Variants in NKAIN3 observed in about 807,000 individuals in gnomAD.
NKAIN3 encodes the protein sodium/potassium transporting ATPase interacting 3.
A neutral mutation model predicts 30.2 loss-of-function variants in NKAIN3; 25 were observed. That is an observed-to-expected ratio of 0.83 (90% confidence interval 0.60 to 1.16). NKAIN3 has a LOEUF of 1.16. Among genes scored for constraint, NKAIN3 ranks in the 50% most tolerant of loss-of-function variants. NKAIN3 has a pLI of 0.00. For missense variants in NKAIN3, 225 were observed against 254.1 expected (o/e 0.89, Z 0.78); for synonymous variants, 91 against 89.6 (o/e 1.02, Z -0.09).
intron 4 of NKAIN3, among the ~76,000 whole-genome samples, chr8:62,876,138 A>G (rs1409756086): frequency 1.3e-5 from 2 of 152,162 alleles, no homozygotes; most frequent in Non-Finnish European, 2.9e-5. Flanking sequence ...CAAGAAACAA[A>G]CAACCCCATC....
intron 2 of NKAIN3, among the ~76,000 whole-genome samples, chr8:62,580,906 T>A (rs57400498): frequency 0.043 from 4,846 of 112,320 alleles, 153 homozygotes; most frequent in African/African-American, 0.087. Flanking sequence ...GCTAGGGTTT[T>A]TATATATATA....
chr8:62,459,689 A>G (rs1805930385), intron 1 of NKAIN3, among the ~76,000 whole-genome samples: 1 of 152,196 alleles, frequency 6.6e-6, no homozygotes, highest in African/African-American at 2.4e-5. Flanking sequence ...TAAGATCAGA[A>G]ATCTAATGGG....
At chr8:62,264,391 A>C (rs529061214) in intron 1 of NKAIN3, among the ~76,000 whole-genome samples, 1 of 152,300 alleles carries the variant, frequency 6.6e-6, no homozygotes, top group South Asian at 2.1e-4. Context: ...GGTATCCATT[A>C]AAACATTAAT....
intron 6 of NKAIN3, among the ~76,000 whole-genome samples, chr8:62,961,748 A>G (rs1209854076): frequency 6.6e-6 from 1 of 152,206 alleles, no homozygotes; most frequent in Non-Finnish European, 1.5e-5. Context: ...ATCAGTACTA[A>G]CAGACTCACA....
chr8:62,331,418 CAA>C, intron 1 of NKAIN3, among the ~76,000 whole-genome samples: 1 of 152,216 alleles, frequency 6.6e-6, no homozygotes, highest in South Asian at 2.1e-4. Flanking sequence ...GTCTCTCCCA[CAA>C]GTTTCCAAAC....
intron 3 of NKAIN3, among the ~76,000 whole-genome samples, chr8:62,655,576 C>T (rs1408122895): frequency 6.6e-6 from 1 of 151,946 alleles, no homozygotes; most frequent in African/African-American, 2.4e-5. Context: ...ACTGGTGAGG[C>T]AAAGTGAGAA....
rs1195350331 is a variant in NKAIN3 at position 62,966,791 on chromosome 8, T to A, written c.*1384T>A. ...CCTATAGGCCAGAAAGTTGTGAATATGTGGTTATTAACTCAGCCCATGCAT... is the reference window on the plus strand; with the variant it reads ...CCTATAGGCCAGAAAGTTGTGAATAAGTGGTTATTAACTCAGCCCATGCAT... On this transcript the variant is annotated 3_prime_UTR_variant, in exon 7 of 7. Transcript: ENST00000623646. Among the ~76,000 whole-genome samples the A allele has an allele frequency of 6.6e-6, 1 of 152,238 alleles. No individual in the cohort carries two copies. The highest frequency in any genetic ancestry group is 1.9e-4 in the East Asian group (1 of 5,196).
chr8:62,623,839 A>C (rs1811701576), intron 3 of NKAIN3, among the ~76,000 whole-genome samples: 1 of 152,102 alleles, frequency 6.6e-6, no homozygotes, highest in South Asian at 2.1e-4. Context: ...AGTGAAAGCA[A>C]GTTTATTAAG....
chr8:62,405,342 G>A (rs1804028862), intron 1 of NKAIN3, among the ~76,000 whole-genome samples: 1 of 152,216 alleles, frequency 6.6e-6, no homozygotes, highest in Non-Finnish European at 1.5e-5. Flanking sequence ...ACCAGGAATT[G>A]CAGCCTTTGT....
intron 4 of NKAIN3, among the ~76,000 whole-genome samples, chr8:62,911,623 C>A (rs1821928280): frequency 6.6e-6 from 1 of 151,954 alleles, no homozygotes; most frequent in African/African-American, 2.4e-5. Context: ...TCTTGATCTG[C>A]CTGGCTGCTG....
At position 62,665,346 on chromosome 8, in the gene NKAIN3, T is replaced by C. The variant is rs1408497578; in HGVS notation, c.273+75552T>C. ...CTTATGTAAGACAAGTTGTAACTTT[T>C]GAGTAAAAGAGATTTACCATAAAAA... On this transcript the variant is annotated intron_variant, in intron 3 of 6. Transcript: ENST00000623646. 2.0e-5 allele frequency among the ~76,000 whole-genome samples: 3 copies of C among 152,094 alleles called. No homozygotes were observed. In the East Asian group the frequency reaches 5.8e-4, roughly 29 times the overall value.
At chr8:62,854,330 G>A (rs1819998713) in intron 4 of NKAIN3, among the ~76,000 whole-genome samples, 1 of 152,180 alleles carries the variant, frequency 6.6e-6, no homozygotes, top group African/African-American at 2.4e-5. Context: ...TTGTGTGGGA[G>A]TCTAAGTCTC....
chr8:62,486,787 T>C (rs914027161), intron 1 of NKAIN3, among the ~76,000 whole-genome samples: 8 of 152,198 alleles, frequency 5.3e-5, no homozygotes, highest in Non-Finnish European at 1.0e-4. Context: ...AAATGGCAAC[T>C]GGCAACAACT....
chr8:62,261,300 A>G (rs1408055232), intron 1 of NKAIN3, among the ~76,000 whole-genome samples: 1 of 152,006 alleles, frequency 6.6e-6, no homozygotes, highest in Non-Finnish European at 1.5e-5. Flanking sequence ...CTTTGGTTTT[A>G]ATAATAGCTT....
In NKAIN3 at chr8:62,522,759, A is replaced by G. The variant is rs1288363419; in HGVS notation, c.55-56780A>G. Among the ~76,000 whole-genome samples the G allele has an allele frequency of 3.3e-5, 5 of 151,960 alleles. No individual in the cohort carries two copies. In the South Asian group the frequency reaches 6.2e-4, roughly 19 times the overall value. Reference sequence around the variant, plus strand: ...AAATATAGGAAATATAATATTTCATATTAATAATTATAAAATAAGAGAAGA... The same window carrying G: ...AAATATAGGAAATATAATATTTCATGTTAATAATTATAAAATAAGAGAAGA... On this transcript the variant is annotated intron_variant, in intron 1 of 6. Transcript: ENST00000623646.
intron 3 of NKAIN3, among the ~76,000 whole-genome samples, chr8:62,603,669 T>A (rs968560959): frequency 2.0e-5 from 3 of 152,096 alleles, no homozygotes; most frequent in Non-Finnish European, 4.4e-5. Flanking sequence ...TTAATTAGTG[T>A]CTTGCACACA....
At chr8:62,824,491 AACACAC>A (rs6150612) in intron 4 of NKAIN3, among the ~76,000 whole-genome samples, 31,185 of 148,368 alleles carry the variant, frequency 0.21, 3,449 homozygotes, top group East Asian at 0.29. Context: ...CCACCTCTTC[AACACAC>A]ACACACACAC....
intron 5 of NKAIN3, among the ~76,000 whole-genome samples, chr8:62,919,906 GT>G (rs61197233): frequency 1.4e-3 from 71 of 52,226 alleles, no homozygotes; most frequent in Non-Finnish European, 1.3e-3. Flanking sequence ...CTTACACAGA[GT>G]TTTTTTTTTT....
At chr8:62,261,193 T>C (rs928936225) in intron 1 of NKAIN3, among the ~76,000 whole-genome samples, 1 of 152,244 alleles carries the variant, frequency 6.6e-6, no homozygotes, top group African/African-American at 2.4e-5. Context: ...GTATATTTTA[T>C]AACCTAAGTG....
Sources: gnomAD v4.1 joint callset for allele counts (sites outside exome capture counted in the v4.1 genomes callset) on GRCh38, gnomAD v4.1.1 for gene constraint, MANE v1.5 for transcripts, NCBI Gene and HGNC (gene_info 2026-07-23, HGNC 2026-07-21) for gene names.